The following GOLGA4 variants were observed in gnomAD, a reference collection of about 807,000 sequenced individuals.
The protein encoded by GOLGA4 is golgin A4, also known as golgin subfamily A member 4.
A neutral mutation model predicts 265.9 loss-of-function variants in GOLGA4; 169 were observed. The ratio of observed to expected loss-of-function variants is 0.64; its 90% confidence interval spans 0.56 to 0.72. The LOEUF is 0.72. GOLGA4 is among the 30% of genes least tolerant of loss of function. GOLGA4 has a pLI of 0.00. For synonymous variants in GOLGA4, 923 were observed against 855.8 expected, an observed-to-expected ratio of 1.08 and a Z score of -1.37; for missense variants, 2,482 against 2,483.4, an observed-to-expected ratio of 1.00 and a Z score of 0.01.
At chr3:37,304,111 T>G (rs2096900176) in intron 10 of GOLGA4, among the ~76,000 whole-genome samples, 1 of 152,162 alleles carries the variant, frequency 6.6e-6, no homozygotes, top group Admixed American at 6.5e-5. Flanking sequence ...CCTCATGAAG[T>G]CATAGGAATT....
intron 11 of GOLGA4, 56 bp downstream of exon 11, chr3:37,315,654 T>C: frequency 1.5e-6 from 2 of 1,362,416 alleles, no homozygotes; most frequent in Non-Finnish European, 2.1e-6. Flanking sequence ...TTAAGTGTAT[T>C]TTTCCTTACA....
intron 2 of GOLGA4, chr3:37,266,712 G>A (rs1330509023): frequency 3.0e-6 from 1 of 331,992 alleles, no homozygotes; most frequent in Non-Finnish European, 6.0e-6. Flanking sequence ...TGGTGGTGAT[G>A]GTGGTACTGA....
Position 37,243,535 on chromosome 3 carries a change from G to A in GOLGA4, c.-16G>A, listed in dbSNP as rs768702036. The A allele has an allele frequency of 2.5e-6, 4 of 1,613,060 alleles. No individual in the cohort carries two copies. Among genetic ancestry groups the A allele is most frequent in the South Asian group, 1.1e-5 (1 of 91,070 alleles). ...TCAGGTTTCGTTGACACTCAGGACC[G>A]TACGTACGCTGCGCCATGTTCAAGA... On this transcript the variant is annotated 5_prime_UTR_variant, in exon 1 of 24. Transcript: ENST00000361924.
intron 22 of GOLGA4, among the ~76,000 whole-genome samples, chr3:37,358,107 A>G (rs2097095279): frequency 6.6e-6 from 1 of 152,174 alleles, no homozygotes; most frequent in Non-Finnish European, 1.5e-5. Context: ...AGTATTTGGG[A>G]TGCTTGCAAG....
chr3:37,345,915 C>G (rs1303944384), intron 20 of GOLGA4, among the ~76,000 whole-genome samples: 1 of 151,498 alleles, frequency 6.6e-6, no homozygotes, highest in Non-Finnish European at 1.5e-5. Context: ...CCACTGCACT[C>G]CAGCCTGGGC....
intron 10 of GOLGA4, among the ~76,000 whole-genome samples, chr3:37,305,003 C>T (rs1309889453): frequency 6.6e-6 from 1 of 152,140 alleles, no homozygotes; most frequent in Non-Finnish European, 1.5e-5. Context: ...ACTGCAACCT[C>T]CGCCTCCTGG....
rs1461115525 is a variant in GOLGA4 at position 37,273,656 on chromosome 3, A to G, written c.163-8302A>G. Reference sequence around the variant, plus strand: ...AACAAGTCATTTCAGAGTGTTGGTCAGTCTGTGTTAATTATTAGCATCTGA... The same window carrying G: ...AACAAGTCATTTCAGAGTGTTGGTCGGTCTGTGTTAATTATTAGCATCTGA... On this transcript the variant is annotated intron_variant, in intron 2 of 23. Coordinates refer to ENST00000361924, the MANE Select transcript of GOLGA4 (RefSeq NM_002078.5). 6.7e-6 allele frequency: 6 copies of G among 897,882 alleles called. No individual in the cohort carries two copies. The African/African-American group carries it at 8.2e-5, about 12-fold the overall frequency. The allele number at this position is 897,882 out of a possible 1,614,324, so 55.6% of individuals were successfully genotyped here.
rs1386269928 is a variant in GOLGA4, at chr3:37,324,392, ATTC to A, written c.2512_2514del (p.Leu838del). The A allele has an allele frequency of 1.9e-6, 3 of 1,614,214 alleles. No individual in the cohort carries two copies. The highest frequency in any genetic ancestry group is 4.5e-5 in the East Asian group (2 of 44,892). On this transcript the variant is annotated inframe_deletion, in exon 14 of 24. Transcript: ENST00000361924. ...GTTGTTGGATTTGGAAACAGAAAGA[ATTC>A]TTCTTACCAAACAGGTTGCTGAAGT...
rs774569910 is a variant in GOLGA4, at chr3:37,266,851, G to A, written c.163-15107G>A. On this transcript the variant is annotated intron_variant, in intron 2 of 23. Transcript: ENST00000361924. ...ACACTGAATGAGACAGCTACTAGCC[G>A]GGATGATAGCAGAGCCTGCTTTTCT... 4.7e-6 allele frequency: 6 copies of A among 1,278,030 alleles called. 1 individual carries two copies. The highest frequency in any genetic ancestry group is 4.6e-5 in the African/African-American group (3 of 65,566). 79.2% of individuals were successfully genotyped at this position (1,278,030 alleles called of 1,614,324 possible).
intron 23 of GOLGA4, among the ~76,000 whole-genome samples, chr3:37,362,193 A>G (rs1366899843): frequency 6.7e-6 from 1 of 149,760 alleles, no homozygotes; most frequent in Non-Finnish European, 1.5e-5. Context: ...CCGTTCTTTT[A>G]AGCTTTTATT....
At chr3:37,267,688 A>G (rs1338157477) in intron 2 of GOLGA4, among the ~76,000 whole-genome samples, 2 of 152,238 alleles carry the variant, frequency 1.3e-5, no homozygotes, top group East Asian at 3.8e-4. Context: ...TTGTTCCACA[A>G]ATCTATTTAT....
intron 11 of GOLGA4, among the ~76,000 whole-genome samples, chr3:37,316,199 CTTTTT>C (rs34521576): frequency 7.2e-6 from 1 of 138,782 alleles, no homozygotes. Context: ...TTTTTTTCTG[CTTTTT>C]TTTTTTTTTG....
chr3:37,268,136 C>T (rs2096788527), intron 2 of GOLGA4, among the ~76,000 whole-genome samples: 1 of 152,112 alleles, frequency 6.6e-6, no homozygotes, highest in African/African-American at 2.4e-5. Context: ...GGCTGGAATG[C>T]AGTGGTACAA....
intron 16 of GOLGA4, among the ~76,000 whole-genome samples, chr3:37,334,554 G>T (rs188040110): frequency 3.0e-3 from 455 of 152,208 alleles, no homozygotes; most frequent in African/African-American, 0.01. Flanking sequence ...TCAGTAAATT[G>T]CCATCTGGTT....
chr3:37,319,925 G>C (rs1399992712), intron 12 of GOLGA4: 1 of 152,148 alleles, frequency 6.6e-6, no homozygotes, highest in Non-Finnish European at 1.5e-5. Context: ...TTCAAGAAGA[G>C]AGTGCATAAT....
intron 9 of GOLGA4, among the ~76,000 whole-genome samples, chr3:37,300,795 CCTG>C (rs2096890683): frequency 2.0e-5 from 3 of 152,018 alleles, no homozygotes; most frequent in Admixed American, 6.5e-5. Flanking sequence ...TAAAATATGA[CCTG>C]CTATCTAGTC....
intron 1 of GOLGA4, 134 bp downstream of exon 1, chr3:37,243,756 AC>A: frequency 1.4e-6 from 1 of 694,360 alleles, no homozygotes; most frequent in Non-Finnish European, 2.4e-6. Flanking sequence ...CAAACTCCGG[AC>A]CCAGAAGGAG....
chr3:37,321,723 T>G lies in GOLGA4; in HGVS notation c.1546-8T>G, dbSNP rs1476574170. The stretch of plus-strand genomic sequence containing the variant: ...CGTTTAAGGTGGTATTAATTATTTT[T>G]GGCACAGGAAAAGAGTCAATCAGAA... On this transcript the variant is annotated splice_polypyrimidine_tract_variant and splice_region_variant and intron_variant, in intron 12 of 23. Coordinates refer to ENST00000361924, the MANE Select transcript of GOLGA4 (RefSeq NM_002078.5). The G allele has an allele frequency of 6.3e-7, 1 of 1,593,568 alleles. No homozygotes were observed. The highest frequency in any genetic ancestry group is 8.5e-7 in the Non-Finnish European group (1 of 1,174,002).
At chr3:37,305,095 T>G (rs567225910) in intron 10 of GOLGA4, among the ~76,000 whole-genome samples, 7 of 152,248 alleles carry the variant, frequency 4.6e-5, no homozygotes, top group African/African-American at 1.4e-4. Context: ...ATTTTTGTAT[T>G]TTTAATAGAG....
Sources: gnomAD v4.1 joint callset for allele counts (sites outside exome capture counted in the v4.1 genomes callset) on GRCh38, gnomAD v4.1.1 for gene constraint, MANE v1.5 for transcripts, NCBI Gene and HGNC (gene_info 2026-07-23, HGNC 2026-07-21) for gene names.